INO80: variants seen among roughly 807,000 people sequenced by gnomAD.
INO80 encodes INO80 complex ATPase subunit.
A neutral mutation model predicts 203.4 loss-of-function variants in INO80; 20 were observed. The observed-to-expected ratio is 0.10, with a 90% CI of 0.07 to 0.14. The LOEUF (loss-of-function observed/expected upper bound fraction) is 0.14. Ranked by LOEUF, INO80 falls within the 10% of genes least tolerant of loss-of-function variation. INO80 has a pLI of 1.00. For missense variants in INO80, 1,419 were observed against 1,914.4 expected (o/e 0.74, Z 4.83); for synonymous variants, 726 against 685.2 (o/e 1.06, Z -0.93).
At chr15:41,114,155 T>C (rs1323206439) in intron 1 of INO80, among the ~76,000 whole-genome samples, 1 of 151,304 alleles carries the variant, frequency 6.6e-6, no homozygotes, top group Non-Finnish European at 1.5e-5. Context: ...TAATACCAGC[T>C]ACTCAGGAGG....
chr15:41,010,329 T>C (rs190096789), intron 27 of INO80, among the ~76,000 whole-genome samples: 4 of 152,276 alleles, frequency 2.6e-5, no homozygotes, highest in South Asian at 2.1e-4. Flanking sequence ...TAATTTTTTT[T>C]CCCCCAGGAT....
chr15:41,036,176 A>C (rs1488963227), intron 24 of INO80, among the ~76,000 whole-genome samples: 2 of 148,334 alleles, frequency 1.3e-5, no homozygotes, highest in African/African-American at 5.1e-5. Context: ...AAAAAAAAAA[A>C]AAAAAAAAAC....
intron 1 of INO80, among the ~76,000 whole-genome samples, chr15:41,114,528 G>A (rs998597796): frequency 4.6e-5 from 7 of 151,946 alleles, no homozygotes; most frequent in Non-Finnish European, 8.8e-5. Flanking sequence ...AGCCAACATG[G>A]TGAAACCCCG....
intron 1 of INO80, among the ~76,000 whole-genome samples, chr15:41,105,646 A>G (rs1420466082): frequency 1.3e-5 from 2 of 152,214 alleles, no homozygotes; most frequent in African/African-American, 4.8e-5. Context: ...GAGTACTTCA[A>G]GGAGAATTTT....
rs754253394 is a variant in INO80 at position 41,049,310 on chromosome 15, C to T, written c.2553G>A (p.Arg851=). 1.2e-6 allele frequency: 2 copies of T among 1,613,342 alleles called. No homozygotes were observed. The highest frequency in any genetic ancestry group is 1.3e-5 in the African/African-American group (1 of 74,982). The change falls in exon 21 of 36, where the codon AGG becomes AGA. Residue 851 remains arginine (R), a synonymous_variant. Transcript: ENST00000648947. ...ACCTGTCTCGTGAATGATTGAAGAC[C>T]CTGATCTGTCCATGACGGTAGATAA... is the stretch of plus-strand genomic sequence containing the variant. ...SKFIYRHGQI[R]VFNHSRDRWL... is the part of the protein sequence containing the mutation.
At position 41,069,564 on chromosome 15, in the gene INO80, A is replaced by G. The variant is rs777565378; in HGVS notation, c.1782+6T>C. ...CAATAGATGTTTTGGTTGGACTGAT[A>G]TTTACCTTAAATTTAGGAACAAATC... On this transcript the variant is annotated splice_donor_region_variant and intron_variant, in intron 14 of 35. Transcript: ENST00000648947. 3.3e-6 allele frequency: 5 copies of G among 1,533,194 alleles called. No individual in the cohort carries two copies. Among genetic ancestry groups the G allele is most frequent in the African/African-American group, 2.7e-5 (2 of 72,874 alleles). The allele number at this position is 1,533,194 out of a possible 1,614,324, so 95.0% of individuals were successfully genotyped here.
intron 29 of INO80, among the ~76,000 whole-genome samples, chr15:40,991,633 C>T (rs1284714246): frequency 6.6e-6 from 1 of 151,998 alleles, no homozygotes; most frequent in East Asian, 1.9e-4. Context: ...TAGTCAATGC[C>T]TTCATGACAT....
chr15:41,066,224 T>A (rs1295107823), intron 14 of INO80, among the ~76,000 whole-genome samples: 1 of 152,036 alleles, frequency 6.6e-6, no homozygotes. Flanking sequence ...GTGACCCCCC[T>A]GCCTCAGCCT....
At chr15:40,982,378 G>A (rs1893863860) in intron 35 of INO80, among the ~76,000 whole-genome samples, 1 of 152,112 alleles carries the variant, frequency 6.6e-6, no homozygotes, top group African/African-American at 2.4e-5. Flanking sequence ...CGAACTCCTG[G>A]CCTCAAGTGA....
At position 41,058,781 on chromosome 15, in the gene INO80, T is replaced by C; in HGVS notation, c.1843A>G (p.Lys615Glu). 6.2e-7 allele frequency: 1 copy of C among 1,609,964 alleles called. No individual in the cohort carries two copies. Among genetic ancestry groups the C allele is most frequent in the Non-Finnish European group, 8.5e-7 (1 of 1,178,328 alleles). ...RKVIRRFWSQ[K>E]TLYTQDAPFH... is the part of the protein sequence containing the mutation. ...GGGGCATCCTGAGTGTAGAGGGTCT[T>C]CTGTAAATATAAAAGGGGAAGGGTG... The change falls in exon 16 of 36, where the codon AAG becomes GAG. Residue 615 changes from lysine (K) to glutamate (E), a missense_variant and splice_region_variant. Transcript: ENST00000648947.
At chr15:41,053,900 C>T in intron 19 of INO80, 29 bp downstream of exon 19, 1 of 1,565,728 alleles carries the variant, frequency 6.4e-7, no homozygotes, top group South Asian at 1.1e-5. Flanking sequence ...CCTATTGAGG[C>T]TTAAACACAT....
chr15:41,085,107 G>A (rs912318919), intron 7 of INO80, among the ~76,000 whole-genome samples: 2 of 152,168 alleles, frequency 1.3e-5, no homozygotes, highest in Non-Finnish European at 2.9e-5. Context: ...TAGGAAAACT[G>A]CATTCTTTTC....
intron 24 of INO80, among the ~76,000 whole-genome samples, chr15:41,036,351 T>C (rs528087937): frequency 6.6e-6 from 1 of 152,112 alleles, no homozygotes; most frequent in African/African-American, 2.4e-5. Flanking sequence ...CAACCTCTAT[T>C]GCAAGTTTCT....
chr15:41,001,850 A>C (rs1209352211), intron 28 of INO80, among the ~76,000 whole-genome samples: 7 of 152,174 alleles, frequency 4.6e-5, no homozygotes, highest in African/African-American at 1.7e-4. Context: ...TTGAAACTGC[A>C]ATTTTTTCTT....
At chr15:41,035,413 C>T (rs150626761) in intron 24 of INO80, among the ~76,000 whole-genome samples, 241 of 152,038 alleles carry the variant, frequency 1.6e-3, no homozygotes, top group African/African-American at 5.4e-3. Context: ...GTAATCCCAG[C>T]TACTTGAGAG....
At chr15:41,091,151 T>A (rs1359049800) in intron 5 of INO80, among the ~76,000 whole-genome samples, 5 of 152,176 alleles carry the variant, frequency 3.3e-5, no homozygotes. Flanking sequence ...CTCGAACTCC[T>A]GACCTCAGGT....
At chr15:41,006,805 GATT>G (rs1463573148) in intron 27 of INO80, among the ~76,000 whole-genome samples, 1 of 152,080 alleles carries the variant, frequency 6.6e-6, no homozygotes, top group Non-Finnish European at 1.5e-5. Flanking sequence ...GTTTAATTTT[GATT>G]TTTTAATTTT....
chr15:41,077,213 G>C (rs527546916), intron 9 of INO80, among the ~76,000 whole-genome samples: 2 of 113,196 alleles, frequency 1.8e-5, no homozygotes, highest in African/African-American at 1.1e-4. Context: ...AGCCTTGTTT[G>C]CTTTATTTTT....
chr15:41,075,995 A>C (rs546036929), intron 9 of INO80, among the ~76,000 whole-genome samples: 4 of 152,368 alleles, frequency 2.6e-5, no homozygotes, highest in African/African-American at 7.2e-5. Flanking sequence ...TATGAAATTA[A>C]CAAGTTAATG....
Sources: gnomAD v4.1 joint callset for allele counts (sites outside exome capture counted in the v4.1 genomes callset) on GRCh38, gnomAD v4.1.1 for gene constraint, MANE v1.5 for transcripts, NCBI Gene and HGNC (gene_info 2026-07-23, HGNC 2026-07-21) for gene names.